The following RASAL2 variants were observed in gnomAD, a reference collection of about 807,000 sequenced individuals.
RASAL2 encodes RAS protein activator like 2, also known as ras GTPase-activating protein nGAP.
In RASAL2, 58 loss-of-function variants were observed where a neutral mutation model predicts 128.9. The observed-to-expected ratio is 0.45, with a 90% CI of 0.36 to 0.56. The LOEUF (loss-of-function observed/expected upper bound fraction) is 0.56, where lower values mean the gene tolerates loss of function less well. Among genes scored for constraint, RASAL2 ranks in the 20% least tolerant of loss-of-function variants. RASAL2 has a pLI of 0.00. For synonymous variants in RASAL2, 561 were observed against 580.8 expected (o/e 0.97, Z 0.49); for missense variants, 1,360 against 1,601.6 (o/e 0.85, Z 2.57).
chr1:178,384,434 A>G (rs1672442733), intron 3 of RASAL2, among the ~76,000 whole-genome samples: 1 of 152,142 alleles, frequency 6.6e-6, no homozygotes, highest in African/African-American at 2.4e-5. Flanking sequence ...AATAATTGTT[A>G]CTATCTCAGG....
At chr1:178,152,246 A>G (rs1172172797) in intron 1 of RASAL2, among the ~76,000 whole-genome samples, 1 of 152,138 alleles carries the variant, frequency 6.6e-6, no homozygotes, top group Non-Finnish European at 1.5e-5. Flanking sequence ...TGGATTGAAC[A>G]CGTGGAGGTA....
rs182199407 is a variant in RASAL2 at position 178,116,430 on chromosome 1, C to T, written c.202+21736C>T. On this transcript the variant is annotated intron_variant, in intron 1 of 17. Coordinates refer to ENST00000367649, the MANE Select transcript of RASAL2 (RefSeq NM_170692.4). Reference sequence around the variant, plus strand: ...TTCAGTAAATCAGAACTCTTATGCACATTGAGGTATCTACAAACAAGAAGA... The same window carrying T: ...TTCAGTAAATCAGAACTCTTATGCATATTGAGGTATCTACAAACAAGAAGA... Among the ~76,000 whole-genome samples, 174 of 152,014 alleles carry T rather than the reference C, an allele frequency of 1.1e-3. 1 individual carries two copies. The Middle Eastern group carries it at 0.014, about 12-fold the overall frequency.
chr1:178,160,779 T>A (rs1661257162), intron 1 of RASAL2, among the ~76,000 whole-genome samples: 1 of 152,220 alleles, frequency 6.6e-6, no homozygotes, highest in South Asian at 2.1e-4. Context: ...TTAGTTGTTT[T>A]CAATAATGTC....
intron 3 of RASAL2, among the ~76,000 whole-genome samples, chr1:178,382,129 G>A (rs1383393313): frequency 6.6e-6 from 1 of 152,130 alleles, no homozygotes; most frequent in Non-Finnish European, 1.5e-5. Context: ...TAGGTATACT[G>A]AAGATTAGTG....
At chr1:178,362,899 C>G (rs73035276) in intron 3 of RASAL2, among the ~76,000 whole-genome samples, 4 of 151,986 alleles carry the variant, frequency 2.6e-5, no homozygotes, top group Non-Finnish European at 4.4e-5. Flanking sequence ...ATCATAGTTT[C>G]TTTATTCGTC....
chr1:178,430,365 C>G (rs1675806598), intron 5 of RASAL2, among the ~76,000 whole-genome samples: 1 of 152,052 alleles, frequency 6.6e-6, no homozygotes, highest in African/African-American at 2.4e-5. Flanking sequence ...ATTGAAGTAT[C>G]TAATTGCATC....
intron 1 of RASAL2, among the ~76,000 whole-genome samples, chr1:178,109,723 T>C (rs1307228115): frequency 6.6e-6 from 1 of 152,138 alleles, no homozygotes; most frequent in Non-Finnish European, 1.5e-5. Context: ...ATATATCTTT[T>C]TAGAAACCAG....
At chr1:178,390,672 CCCAGCCGT>C (rs1672851322) in intron 4 of RASAL2, among the ~76,000 whole-genome samples, 1 of 152,162 alleles carries the variant, frequency 6.6e-6, no homozygotes, top group African/African-American at 2.4e-5. Context: ...AGCCACCATG[CCCAGCCGT>C]CCACTACTTT....
intron 5 of RASAL2, among the ~76,000 whole-genome samples, chr1:178,438,152 G>T (rs1676380789): frequency 6.8e-6 from 1 of 147,634 alleles, no homozygotes; most frequent in East Asian, 2.0e-4. Flanking sequence ...GTGGAAAGAA[G>T]AAGAACTAAA....
At chr1:178,347,248 G>C (rs1670198604) in intron 3 of RASAL2, among the ~76,000 whole-genome samples, 1 of 152,104 alleles carries the variant, frequency 6.6e-6, no homozygotes, top group Non-Finnish European at 1.5e-5. Context: ...TTCTCCCAGT[G>C]TCAGAAATTA....
intron 1 of RASAL2, among the ~76,000 whole-genome samples, chr1:178,185,507 ATT>A (rs754934001): frequency 1.4e-5 from 2 of 145,516 alleles, no homozygotes; most frequent in African/African-American, 5.0e-5. Context: ...GGTTTTTTAA[ATT>A]TTTTTTTTTT....
chr1:178,193,616 C>T (rs1245065691), intron 1 of RASAL2, among the ~76,000 whole-genome samples: 2 of 151,844 alleles, frequency 1.3e-5, no homozygotes, highest in African/African-American at 4.8e-5. Flanking sequence ...CCTGTTCTTT[C>T]TTAGCAGCTA....
intron 1 of RASAL2, among the ~76,000 whole-genome samples, chr1:178,103,157 TG>T (rs1386906165): frequency 3.9e-5 from 6 of 152,170 alleles, no homozygotes; most frequent in Admixed American, 3.9e-4. Context: ...GATTTTTATC[TG>T]CACTTTGAGA....
intron 1 of RASAL2, among the ~76,000 whole-genome samples, chr1:178,234,906 GAAGT>G (rs1335177631): frequency 1.3e-5 from 2 of 152,178 alleles, no homozygotes; most frequent in South Asian, 4.1e-4. Flanking sequence ...AGTGAAAACT[GAAGT>G]AATTTTCCAA....
At chr1:178,197,089 A>G (rs1662681914) in intron 1 of RASAL2, among the ~76,000 whole-genome samples, 1 of 152,158 alleles carries the variant, frequency 6.6e-6, no homozygotes, top group African/African-American at 2.4e-5. Context: ...CGAGGTGGAC[A>G]GATCACTTGA....
chr1:178,381,345 A>G (rs1275356761), intron 3 of RASAL2, among the ~76,000 whole-genome samples: 1 of 152,202 alleles, frequency 6.6e-6, no homozygotes, highest in Non-Finnish European at 1.5e-5. Context: ...GCCCTAGATT[A>G]GGATGGTGGA....
intron 15 of RASAL2, 114 bp downstream of exon 15, chr1:178,464,526 A>C: frequency 8.3e-7 from 1 of 1,200,656 alleles, no homozygotes. Flanking sequence ...TCTACCCCTT[A>C]TGTTAATCAT....
At chr1:178,470,731 A>C in intron 17 of RASAL2, 1 of 1,365,586 alleles carries the variant, frequency 7.3e-7, no homozygotes, top group Non-Finnish European at 9.8e-7. Context: ...CAGGCAAGTA[A>C]ACCCCGCGTC....
At chr1:178,096,848 A>G (rs759522042) in intron 1 of RASAL2, among the ~76,000 whole-genome samples, 2 of 150,232 alleles carry the variant, frequency 1.3e-5, no homozygotes, top group Non-Finnish European at 2.9e-5. Flanking sequence ...TGTTGTCTTT[A>G]GTTTATGTAA....
Sources: gnomAD v4.1 joint callset for allele counts (sites outside exome capture counted in the v4.1 genomes callset) on GRCh38, gnomAD v4.1.1 for gene constraint, MANE v1.5 for transcripts, NCBI Gene and HGNC (gene_info 2026-07-23, HGNC 2026-07-21) for gene names.